TFB1M: variants seen among roughly 807,000 people sequenced by gnomAD.
TFB1M encodes the protein dimethyladenosine transferase 1, mitochondrial.
In TFB1M, 27 loss-of-function variants were observed where a neutral mutation model predicts 31.1. The observed-to-expected ratio is 0.87, with a 90% CI of 0.64 to 1.20. The LOEUF (loss-of-function observed/expected upper bound fraction) is 1.20, where lower values mean the gene tolerates loss of function less well. TFB1M is among the 50% of genes most tolerant of loss of function. The pLI is 0.00. For synonymous variants in TFB1M, 166 were observed against 151.8 expected, an observed-to-expected ratio of 1.09 and a Z score of -0.69; for missense variants, 394 against 418.7, an observed-to-expected ratio of 0.94 and a Z score of 0.51.
chr6:155,237,524 G>T, the TFB1M span, among the ~76,000 whole-genome samples: 2 of 152,248 alleles, frequency 1.3e-5, no homozygotes, highest in Non-Finnish European at 2.9e-5. Context: ...CTTCTGCACT[G>T]CCCTAGTGGA....
chr6:155,245,480 C>A, the TFB1M span: 1 of 684,942 alleles, frequency 1.5e-6, no homozygotes, highest in Non-Finnish European at 2.5e-6. Context: ...TTCCCCACCT[C>A]CTGTGTGGAT....
chr6:155,248,077 T>C, the TFB1M span: 6 of 1,614,120 alleles, frequency 3.7e-6, no homozygotes, highest in Non-Finnish European at 5.1e-6. Flanking sequence ...GCTGGAGTCC[T>C]ACCTCATCAA....
At chr6:155,291,685 A>C (rs112729785) in intron 4 of TFB1M, among the ~76,000 whole-genome samples, 1,858 of 152,296 alleles carry the variant, frequency 0.012, 33 homozygotes, top group Non-Finnish European at 0.015. Flanking sequence ...AATGCTTCCC[A>C]GCATCCCTAA....
chr6:155,311,587 T>C (rs527909834), intron 1 of TFB1M, among the ~76,000 whole-genome samples: 60 of 152,366 alleles, frequency 3.9e-4, no homozygotes, highest in African/African-American at 1.3e-3. Flanking sequence ...CAAAGTTTCT[T>C]AGCTTAAATT....
At chr6:155,263,020 G>A (rs1007922111) in intron 5 of TFB1M, among the ~76,000 whole-genome samples, 3 of 152,222 alleles carry the variant, frequency 2.0e-5, no homozygotes, top group African/African-American at 7.2e-5. Flanking sequence ...TATTTAGTGG[G>A]AGATTCTGTA....
chr6:155,231,047 G>A, the TFB1M span, among the ~76,000 whole-genome samples: 5 of 150,054 alleles, frequency 3.3e-5, no homozygotes, highest in Non-Finnish European at 4.4e-5. Flanking sequence ...TCACCATGTT[G>A]GCCAGGCTGG....
intron 2 of TFB1M, among the ~76,000 whole-genome samples, chr6:155,302,814 A>G (rs1184306146): frequency 1.3e-5 from 2 of 152,178 alleles, no homozygotes; most frequent in Non-Finnish European, 2.9e-5. Flanking sequence ...AGACTGGGTA[A>G]TTTATAAAGG....
intron 2 of TFB1M, among the ~76,000 whole-genome samples, chr6:155,310,263 G>A (rs954288442): frequency 1.3e-5 from 2 of 152,070 alleles, no homozygotes; most frequent in Admixed American, 1.3e-4. Flanking sequence ...TGAGCCAAAG[G>A]TTCAGGACTC....
At chr6:155,247,898 G>A in the TFB1M span, 1 of 1,393,714 alleles carries the variant, frequency 7.2e-7, no homozygotes, top group Non-Finnish European at 9.8e-7. Context: ...ATGGCATTAG[G>A]AGGACTATAG....
intron 2 of TFB1M, among the ~76,000 whole-genome samples, chr6:155,307,136 T>TACACACACACACAC (rs61677970): frequency 1.1e-4 from 16 of 147,244 alleles, no homozygotes; most frequent in South Asian, 6.5e-4. Flanking sequence ...CTCAAACACA[T>TACACACACACACAC]ACACACACAC....
the TFB1M span, among the ~76,000 whole-genome samples, chr6:155,239,920 C>T: frequency 6.6e-6 from 1 of 152,224 alleles, no homozygotes; most frequent in East Asian, 1.9e-4. Context: ...TCTTCATCTG[C>T]TTCTACTCCA....
In TFB1M at chr6:155,256,954, G is replaced by A. The variant is rs1784088282; in HGVS notation, c.*882C>T. On this transcript the variant is annotated 3_prime_UTR_variant, in exon 7 of 7. Transcript: ENST00000367166. ...AGCCAACAGCACCAAGAGGGACAGA[G>A]GAACTTTGCTCAAGGCGCAGATCCG... 6 of 1,614,172 alleles carry A rather than the reference G, an allele frequency of 3.7e-6. No homozygotes were observed. The highest frequency in any genetic ancestry group is 5.1e-6 in the Non-Finnish European group (6 of 1,180,038).
At chr6:155,268,647 AC>A (rs1784772209) in intron 5 of TFB1M, among the ~76,000 whole-genome samples, 2 of 152,030 alleles carry the variant, frequency 1.3e-5, no homozygotes, top group Admixed American at 1.3e-4. Flanking sequence ...CTGTGACCTT[AC>A]CCCCAACCCG....
chr6:155,249,424 T>C, the TFB1M span, among the ~76,000 whole-genome samples: 1 of 152,202 alleles, frequency 6.6e-6, no homozygotes, highest in Non-Finnish European at 1.5e-5. Context: ...CCTGGCTCCA[T>C]TCTTGTGTTT....
intron 5 of TFB1M, chr6:155,276,201 G>C (rs1344084387): frequency 2.5e-6 from 4 of 1,614,058 alleles, no homozygotes; most frequent in Non-Finnish European, 3.4e-6. Flanking sequence ...CATGAACCTG[G>C]AGGAGCTATC....
the TFB1M span, chr6:155,250,827 A>G: frequency 9.5e-6 from 13 of 1,375,572 alleles, no homozygotes; most frequent in Middle Eastern, 1.8e-4. Flanking sequence ...CATTTTAGCA[A>G]TGACTGTGTG....
In TFB1M at chr6:155,256,385, AAAATCTT is replaced by A; in HGVS notation, c.*1444_*1450del. ...GCTAACTGAAGTCATATCATAAAAT[AAAATCTT>A]AATGTTAAATCTTACACAAGCTTTG... is the stretch of plus-strand genomic sequence containing the variant. On this transcript the variant is annotated 3_prime_UTR_variant, in exon 7 of 7. Transcript: ENST00000367166. 1 of 1,532,304 alleles carries A rather than the reference AAAATCTT, an allele frequency of 6.5e-7. No individual in the cohort carries two copies. Among genetic ancestry groups the A allele is most frequent in the Non-Finnish European group, 8.8e-7 (1 of 1,133,092 alleles). The allele number at this position is 1,532,304 out of a possible 1,614,324, so 94.9% of individuals were successfully genotyped here.
At chr6:155,267,221 T>C (rs998767865) in intron 5 of TFB1M, among the ~76,000 whole-genome samples, 1 of 152,182 alleles carries the variant, frequency 6.6e-6, no homozygotes, top group African/African-American at 2.4e-5. Context: ...GCAATCCACC[T>C]GCCTTGGCCT....
the TFB1M span, chr6:155,245,755 GTTTTTT>G: frequency 2.0e-6 from 2 of 1,022,126 alleles, no homozygotes; most frequent in South Asian, 3.4e-5. Flanking sequence ...GCCTTTTATA[GTTTTTT>G]TTTTTTTTTG....
Sources: allele counts gnomAD v4.1 joint callset (sites outside exome capture counted in the v4.1 genomes callset), GRCh38; gene constraint gnomAD v4.1.1; transcripts MANE v1.5; gene names NCBI Gene and HGNC (gene_info 2026-07-23, HGNC 2026-07-21).